The following DHX57 variants were observed in gnomAD, a reference collection of about 807,000 sequenced individuals.
The protein encoded by DHX57 is putative ATP-dependent RNA helicase DHX57.
DHX57 carries 105 observed loss-of-function variants against 156.2 expected under a neutral mutation model. The observed-to-expected ratio is 0.67, with a 90% confidence interval of 0.57 to 0.79. DHX57 has a LOEUF of 0.79. DHX57 is among the 30% of genes least tolerant of loss of function. The pLI is 0.00. For synonymous variants in DHX57, 704 were observed against 595.6 expected, an observed-to-expected ratio of 1.18 and a Z score of -2.65; for missense variants, 1,847 against 1,661.9, an observed-to-expected ratio of 1.11 and a Z score of -1.94.
chr2:38,865,159 A>G (rs1251765365), intron 2 of DHX57, among the ~76,000 whole-genome samples: 1 of 152,076 alleles, frequency 6.6e-6, no homozygotes, highest in Non-Finnish European at 1.5e-5. Flanking sequence ...TTGACACATA[A>G]TAATTGTACA....
rs773431249 is a variant in DHX57, at chr2:38,848,392, G to C, written c.2041C>G (p.Leu681Val). 2 of 1,593,132 alleles carry C rather than the reference G, an allele frequency of 1.3e-6. No individual in the cohort carries two copies. The highest frequency in any genetic ancestry group is 2.3e-5 in the South Asian group (2 of 86,210). The change falls in exon 10 of 24, where the codon CTG (leucine) becomes GTG (valine). Residue 681 changes from leucine (L) to valine (V), a missense_variant. By Grantham distance (32) the Leu-to-Val change is conservative. Coordinates refer to ENST00000457308, the MANE Select transcript of DHX57 (RefSeq NM_198963.3). The part of the protein sequence containing the change: ...HERTEESDFL[L>V]LVLKDIVSQR... Reference sequence around the variant, plus strand: ...GATACAATGTCCTTCAAAACTAGCAGCAAGAAGTCACTAGAGAAAATAAAA... The same window carrying C: ...GATACAATGTCCTTCAAAACTAGCACCAAGAAGTCACTAGAGAAAATAAAA...
At chr2:38,802,252 A>T (rs557259394) in intron 23 of DHX57, among the ~76,000 whole-genome samples, 69 of 143,248 alleles carry the variant, frequency 4.8e-4, no homozygotes, top group African/African-American at 1.7e-3. Context: ...CTTCAGCCTC[A>T]CTCTTTCTTA....
chr2:38,843,008 T>C lies in DHX57; in HGVS notation c.2422A>G (p.Lys808Glu). 1.2e-6 allele frequency: 2 copies of C among 1,614,070 alleles called. No homozygotes were observed. Among genetic ancestry groups the C allele is most frequent in the Non-Finnish European group, 1.7e-6 (2 of 1,179,924 alleles). The change falls in exon 12 of 24, where the codon AAA becomes GAA. Residue 808 changes from lysine (K) to glutamate (E), a missense_variant. Coordinates refer to ENST00000457308, the MANE Select transcript of DHX57 (RefSeq NM_198963.3). The part of the protein sequence containing the change: ...LDFKQLLARY[K>E]GVSKSVIKTM... ...ATTCCCCCAAGAGGCATGTTACCTTTATAGCGGGCCAGGAGCTGCTTAAAA... is the reference window on the plus strand; with the variant it reads ...ATTCCCCCAAGAGGCATGTTACCTTCATAGCGGGCCAGGAGCTGCTTAAAA...
At chr2:38,827,899 C>T (rs1271412712) in intron 14 of DHX57, among the ~76,000 whole-genome samples, 3 of 152,032 alleles carry the variant, frequency 2.0e-5, no homozygotes, top group Non-Finnish European at 2.9e-5. Flanking sequence ...TCTTGTTGCC[C>T]GGGCTGGAGC....
At chr2:38,833,848 A>G (rs1163339150) in intron 13 of DHX57, among the ~76,000 whole-genome samples, 2 of 152,204 alleles carry the variant, frequency 1.3e-5, no homozygotes, top group Non-Finnish European at 2.9e-5. Flanking sequence ...ATGAAAAAAA[A>G]TTAAGAAAGA....
At chr2:38,862,357 T>A in intron 3 of DHX57, 24 bp from the exon 4 acceptor site, 3 of 1,516,716 alleles carry the variant, frequency 2.0e-6, no homozygotes, top group Non-Finnish European at 2.7e-6. Flanking sequence ...CATTTTCATA[T>A]ATTAGATATT....
chr2:38,847,991 G>A (rs1347907666), intron 10 of DHX57, among the ~76,000 whole-genome samples: 2 of 151,934 alleles, frequency 1.3e-5, no homozygotes, highest in East Asian at 1.9e-4. Context: ...GCTGAGGCAG[G>A]AGAATGGCAT....
intron 11 of DHX57, among the ~76,000 whole-genome samples, chr2:38,843,536 T>C (rs1275035073): frequency 6.6e-6 from 1 of 152,240 alleles, no homozygotes; most frequent in Non-Finnish European, 1.5e-5. Flanking sequence ...GCAATCTTAT[T>C]GATCCTCTTG....
At position 38,813,824 on chromosome 2, in the gene DHX57, C is replaced by T. The variant is rs1670392997; in HGVS notation, c.3678G>A (p.Val1226=). 3 of 1,613,578 alleles carry T rather than the reference C, an allele frequency of 1.9e-6. No individual in the cohort carries two copies. The highest frequency in any genetic ancestry group is 1.3e-5 in the African/African-American group (1 of 75,038). Residue 1226 remains valine (V), a synonymous_variant, in exon 21 of 24, where the codon GTG becomes GTA. Transcript: ENST00000457308. ...TCTAGGAAAAATGTTTTGTTACCTG[C>T]ACTACATTTGGATACAAAGCAGCAC... is the stretch of plus-strand genomic sequence containing the variant. The part of the protein sequence containing the change: ...MLCAALYPNV[V]QVKSPEGKFQ...
chr2:38,803,125 A>T, intron 22 of DHX57: 2 of 467,256 alleles, frequency 4.3e-6, no homozygotes, highest in African/African-American at 2.0e-5. Flanking sequence ...CTTGTGTTTA[A>T]AAAAAAAAAA....
In DHX57 at chr2:38,825,985, A is replaced by G; in HGVS notation, c.2876T>C (p.Leu959Pro). Reference sequence around the variant, plus strand: ...ACGGCCTGCTCGGCCTTTCCTTTGTAGAGCATTAGCTTGAGATACAAAGGT... The same window carrying G: ...ACGGCCTGCTCGGCCTTTCCTTTGTGGAGCATTAGCTTGAGATACAAAGGT... Reference protein sequence around the residue: ...EDTFVSQANALQRKGRAGRVA... With the variant: ...EDTFVSQANAPQRKGRAGRVA... The change falls in exon 16 of 24, where the codon CTA becomes CCA. Residue 959 changes from leucine (L) to proline (P), a missense_variant. By Grantham distance (98) the Leu-to-Pro change is moderately conservative. Coordinates refer to ENST00000457308, the MANE Select transcript of DHX57 (RefSeq NM_198963.3). 6.2e-7 allele frequency: 1 copy of G among 1,614,238 alleles called. No individual in the cohort carries two copies. Among genetic ancestry groups the G allele is most frequent in the Non-Finnish European group, 8.5e-7 (1 of 1,180,034 alleles).
chr2:38,799,824 G>A (rs184188124), intron 23 of DHX57, among the ~76,000 whole-genome samples: 482 of 151,362 alleles, frequency 3.2e-3, no homozygotes, highest in Non-Finnish European at 5.0e-3. Flanking sequence ...GGGAGGCCGA[G>A]GTGGGCGGAT....
intron 21 of DHX57, among the ~76,000 whole-genome samples, chr2:38,810,199 T>G (rs1423763301): frequency 6.8e-6 from 1 of 147,120 alleles, no homozygotes; most frequent in Non-Finnish European, 1.5e-5. Flanking sequence ...CTGGCCTTAG[T>G]CTTTTTTTTT....
At chr2:38,841,272 G>C (rs1671978681) in intron 12 of DHX57, among the ~76,000 whole-genome samples, 1 of 152,192 alleles carries the variant, frequency 6.6e-6, no homozygotes, top group African/African-American at 2.4e-5. Flanking sequence ...CACTATCCTT[G>C]TGGGTTTGTA....
chr2:38,860,729 C>G (rs796441547), intron 5 of DHX57, among the ~76,000 whole-genome samples: 4 of 152,186 alleles, frequency 2.6e-5, no homozygotes, highest in Admixed American at 2.0e-4. Flanking sequence ...CCTTAAGGTC[C>G]TTCCAAGCCT....
Position 38,871,009 on chromosome 2 carries a change from T to G in DHX57, c.-6-2598A>C, listed in dbSNP as rs189060629. Among the ~76,000 whole-genome samples the G allele has an allele frequency of 4.6e-5, 7 of 152,310 alleles. No individual in the cohort carries two copies. The East Asian group carries it at 7.7e-4, about 17-fold the overall frequency. On this transcript the variant is annotated intron_variant, in intron 1 of 23. Transcript: ENST00000457308. ...GACAAACAAAACTGAGAGAATTTGT[T>G]GTCAATAGACCCGCCTCACAAGAAA...
Position 38,843,168 on chromosome 2 carries a change from T to C in DHX57, c.2262A>G (p.Lys754=). The change falls in exon 12 of 24, where the codon AAA becomes AAG. Residue 754 remains lysine (K), a synonymous_variant. Transcript: ENST00000457308. ...QDGSPYMRSM[K]QISKEKLKAR... ...CTTTAAGCTTTTCCTTTGAAATCTG[T>C]TTCATGGACCGCATATATGGGCTCC... 1 of 1,614,206 alleles carries C rather than the reference T, an allele frequency of 6.2e-7. No homozygotes were observed. The highest frequency in any genetic ancestry group is 8.5e-7 in the Non-Finnish European group (1 of 1,180,032).
chr2:38,810,604 AC>A (rs1329444375), intron 21 of DHX57: 3 of 617,592 alleles, frequency 4.9e-6, no homozygotes, highest in Non-Finnish European at 9.2e-6. Context: ...GAGGATGTAC[AC>A]CTGGCCCTTG....
At chr2:38,872,461 G>C (rs1233929175) in intron 1 of DHX57, among the ~76,000 whole-genome samples, 1 of 152,166 alleles carries the variant, frequency 6.6e-6, no homozygotes, top group Non-Finnish European at 1.5e-5. Flanking sequence ...TAACAAACAG[G>C]ATCCAAATAT....
Sources: allele counts gnomAD v4.1 joint callset (sites outside exome capture counted in the v4.1 genomes callset), GRCh38; gene constraint gnomAD v4.1.1; transcripts MANE v1.5; gene names NCBI Gene and HGNC (gene_info 2026-07-23, HGNC 2026-07-21).